HELZ2: variants seen among roughly 807,000 people sequenced by gnomAD.
HELZ2 encodes helicase with zinc finger 2.
In HELZ2, 143 loss-of-function variants were observed where a neutral mutation model predicts 208.8. That is an observed-to-expected ratio of 0.68 (90% CI 0.60 to 0.79). The LOEUF is 0.79. Among genes scored for constraint, HELZ2 ranks in the 30% least tolerant of loss-of-function variants. The pLI is 0.00. For synonymous variants in HELZ2, 1,705 were observed against 1,693.7 expected (o/e 1.01, Z -0.16); for missense variants, 3,690 against 3,794.5 (o/e 0.97, Z 0.72).
At position 63,562,898 on chromosome 20, in the gene HELZ2, G is replaced by A. The variant is rs200749300; in HGVS notation, c.5924C>T (p.Ala1975Val). 16 of 1,599,506 alleles carry A rather than the reference G, an allele frequency of 1.0e-5. No homozygotes were observed. Among genetic ancestry groups the A allele is most frequent in the Middle Eastern group, 1.6e-4 (1 of 6,062 alleles). ...CAGCTGCCCCTGCGGCGTCCGTGAC[G>A]CCTCCCAGGAGACACTCAGGTGCTG... Residue 1975 changes from alanine (A) to valine (V), a missense_variant, in exon 8 of 19, where the codon GCG (alanine) becomes GTG (valine). By Grantham distance (64) the Ala-to-Val change is moderately conservative (BLOSUM62 0). Around this residue, in one of 3 missense-constraint regions of HELZ2, gnomAD observed 2,564 missense variants for 2,580.5 expected, o/e 0.99. Transcript: ENST00000467148.
chr20:63,560,091 G>GCTCC lies in HELZ2; in HGVS notation c.7658_7661dup (p.Ser2554ArgfsTer70). On this transcript the variant is annotated frameshift_variant, in exon 18 of 19. Coordinates refer to ENST00000467148, the Ensembl canonical transcript of HELZ2. LOFTEE classifies it high-confidence loss of function. The stretch of plus-strand genomic sequence containing the variant: ...TGCTCACCAGCACATAGCGCCACTC[G>GCTCC]CTCCCTGCGGGATGGGAGGTGAGGC... 1 of 1,592,450 alleles carries GCTCC rather than the reference G, an allele frequency of 6.3e-7. No individual in the cohort carries two copies. The highest frequency in any genetic ancestry group is 8.5e-7 in the Non-Finnish European group (1 of 1,173,356).
chr20:63,562,921 C>T (rs779154891), exon 8 of HELZ2: 1 of 1,594,892 alleles, frequency 6.3e-7, no homozygotes, highest in African/African-American at 1.3e-5. Context: ...CACTCAGGTG[C>T]TGAAGTGTGA....
At chr20:63,570,647 A>ACGCCCCC in intron 2 of HELZ2, 36 bp from the exon 4 acceptor site, 16 of 1,497,340 alleles carry the variant, frequency 1.1e-5, no homozygotes, top group Non-Finnish European at 1.3e-5. Context: ...AGAGGCCTGG[A>ACGCCCCC]CCCCACCCCA....
At chr20:63,569,708 C>G (rs1018065203) in intron 3 of HELZ2, 43 bp from the exon 5 acceptor site, 81 of 1,460,656 alleles carry the variant, frequency 5.5e-5, no homozygotes, top group East Asian at 1.2e-4. Flanking sequence ...AGGGCTCCCC[C>G]CAACCCTCCC....
chr20:63,561,602 T>G, exon 12 of HELZ2: 2 of 1,602,476 alleles, frequency 1.2e-6, no homozygotes, highest in Non-Finnish European at 1.7e-6. Flanking sequence ...CAGGCACACC[T>G]GAGGCTCTGG....
chr20:63,572,593 C>G (rs371731922), upstream of HELZ2: 113 of 563,048 alleles, frequency 2.0e-4, no homozygotes, highest in African/African-American at 2.1e-3. Context: ...CCTGGGGGTC[C>G]ACGCGACAGA....
chr20:63,566,830 C>A lies in HELZ2; in HGVS notation c.2514+14G>T. 1 of 1,579,928 alleles carries A rather than the reference C, an allele frequency of 6.3e-7. No individual in the cohort carries two copies. Among genetic ancestry groups the A allele is most frequent in the Admixed American group, 1.7e-5 (1 of 59,254 alleles). ...GGGTGCGGTCGGGGGCTGTCCCGGGCTGGCCGGGCTCACCTGGGCACCGTG... is the reference window on the plus strand; with the variant it reads ...GGGTGCGGTCGGGGGCTGTCCCGGGATGGCCGGGCTCACCTGGGCACCGTG... On this transcript the variant is annotated intron_variant, in intron 6 of 18. Transcript: ENST00000467148.
exon 6 of HELZ2, chr20:63,567,208 A>T (rs771700129): frequency 6.2e-7 from 1 of 1,607,754 alleles, no homozygotes; most frequent in South Asian, 1.1e-5. Context: ...GAGGCGGTGC[A>T]GCAGCGTGTG....
chr20:63,562,855 C>T (rs2082904473), exon 8 of HELZ2: 1 of 1,608,498 alleles, frequency 6.2e-7, no homozygotes, highest in African/African-American at 1.3e-5. Flanking sequence ...AGGCGGCCTC[C>T]AGGCGGAAGG....
exon 4 of HELZ2, chr20:63,569,324 G>T: frequency 1.9e-6 from 3 of 1,593,082 alleles, no homozygotes; most frequent in Non-Finnish European, 2.6e-6. Flanking sequence ...TCCGCTCCAC[G>T]CCAGGCACCA....
exon 13 of HELZ2, chr20:63,561,452 T>C: frequency 1.2e-6 from 2 of 1,609,136 alleles, no homozygotes; most frequent in Non-Finnish European, 1.7e-6. Flanking sequence ...GATCCGGTGG[T>C]GCAGGGTGAT....
rs762737439 is a variant in HELZ2, at chr20:63,568,517, G to A, written c.1571C>T (p.Ala524Val). ...CCCAGGGCCCCAGCCCGCGATGAGC[G>A]CCACGGCCAGCTCCTGCTTGCGGTT... The change falls in exon 5 of 19, where the codon GCG (alanine) becomes GTG (valine). Residue 524 changes from alanine to valine, a missense_variant. Coordinates refer to ENST00000467148, the Ensembl canonical transcript of HELZ2. The A allele has an allele frequency of 2.1e-5, 33 of 1,582,156 alleles. 1 individual carries two copies. Among genetic ancestry groups the A allele is most frequent in the Middle Eastern group, 3.3e-4 (2 of 6,032 alleles).
At chr20:63,567,707 C>A (rs1317741866) in intron 5 of HELZ2, 80 bp from the exon 7 acceptor site, 13 of 1,502,412 alleles carry the variant, frequency 8.7e-6, no homozygotes, top group African/African-American at 1.4e-5. Context: ...GTGTGCCCAG[C>A]CGAGCTGCCC....
chr20:63,569,556 C>T lies in HELZ2; in HGVS notation c.680G>A (p.Arg227His), dbSNP rs201002725. 3.6e-4 allele frequency: 580 copies of T among 1,601,842 alleles called. No homozygotes were observed. Among genetic ancestry groups the T allele is most frequent in the Non-Finnish European group, 4.2e-4 (494 of 1,175,116 alleles). ...GAAGTCGGCAGTGGAGCTGGGCACA[C>T]GGAAGCGCTCACCCCGTGCGTAGAG... Residue 227 changes from arginine to histidine, a missense_variant, in exon 4 of 19, where the codon CGT (arginine) becomes CAT (histidine). Arg to His is a conservative substitution (Grantham distance 29, BLOSUM62 0). Around this residue, in one of 3 missense-constraint regions of HELZ2, gnomAD observed 1,119 missense variants for 1,193.4 expected, o/e 0.94. Coordinates refer to ENST00000467148, the Ensembl canonical transcript of HELZ2.
chr20:63,560,751 C>CTG (rs1478631762), intron 15 of HELZ2, 44 bp downstream of exon 16: 1 of 1,604,774 alleles, frequency 6.2e-7, no homozygotes, highest in Non-Finnish European at 8.5e-7. Flanking sequence ...TTGTGGCCCC[C>CTG]CAGGGGCTGC....
At chr20:63,564,363 C>T (rs758766898) in exon 8 of HELZ2, 20 of 1,560,350 alleles carry the variant, frequency 1.3e-5, no homozygotes, top group Non-Finnish European at 1.6e-5. Flanking sequence ...CACGCGGCCA[C>T]GACGCAGGCG....
At chr20:63,562,074 G>T in exon 10 of HELZ2, 1 of 1,607,286 alleles carries the variant, frequency 6.2e-7, no homozygotes, top group Non-Finnish European at 8.5e-7. Context: ...GGCCCTACCT[G>T]GTGGGCCCTG....
Position 63,560,455 on chromosome 20 carries a change from G to A in HELZ2, c.7500+24C>T, listed in dbSNP as rs200343601. ...CCACCTCCTCCAGAAAGCCCTCCCT[G>A]ACTCACAGGCACCAGACACTCACCA... is the stretch of plus-strand genomic sequence containing the variant. On this transcript the variant is annotated intron_variant, in intron 16 of 18. Transcript: ENST00000467148. 13 of 1,604,294 alleles carry A rather than the reference G, an allele frequency of 8.1e-6. No homozygotes were observed. The Admixed American group carries it at 1.0e-4, about 12-fold the overall frequency.
At chr20:63,561,899 G>A (rs931308744) in exon 11 of HELZ2, 1 of 1,582,546 alleles carries the variant, frequency 6.3e-7, no homozygotes, top group Non-Finnish European at 8.6e-7. Flanking sequence ...TCTCCCCACG[G>A]GGGGGGCCTC....
Sources: gnomAD v4.1 joint callset for allele counts on GRCh38, gnomAD v4.1.1 for gene constraint, gnomAD v4.1.1 regional missense constraint, MANE v1.5 for transcripts, NCBI Gene and HGNC (gene_info 2026-07-23, HGNC 2026-07-21) for gene names.